The following RGPD3 variants were observed in gnomAD, a reference collection of about 807,000 sequenced individuals.
RGPD3 encodes the protein ranBP2-like and GRIP domain-containing protein 3.
Under a neutral mutation model 154.5 loss-of-function variants are expected in RGPD3, and 62 were observed. The observed-to-expected ratio is 0.40, with a 90% CI of 0.33 to 0.50. RGPD3 has a LOEUF of 0.50. Among genes scored for constraint, RGPD3 ranks in the 20% least tolerant of loss-of-function variants. The pLI is 0.59. For missense variants in RGPD3, 919 were observed against 1,716.8 expected, an observed-to-expected ratio of 0.54 and a Z score of 8.21; for synonymous variants, 308 against 607.0, an observed-to-expected ratio of 0.51 and a Z score of 7.24.
At chr2:106,466,190 G>A (rs1254940194) in intron 1 of RGPD3, among the ~76,000 whole-genome samples, 1 of 152,156 alleles carries the variant, frequency 6.6e-6, no homozygotes, top group African/African-American at 2.4e-5. Flanking sequence ...CCGGGAGAAA[G>A]AGGAAGCGCC....
intron 1 of RGPD3, among the ~76,000 whole-genome samples, chr2:106,462,460 T>G (rs866221039): frequency 4.6e-5 from 7 of 150,962 alleles, no homozygotes; most frequent in Non-Finnish European, 8.8e-5. Flanking sequence ...AATATCTGAT[T>G]CAAGCAGTAC....
intron 7 of RGPD3, among the ~76,000 whole-genome samples, chr2:106,441,788 T>C (rs1217754947): frequency 7.8e-6 from 1 of 128,492 alleles, no homozygotes; most frequent in Non-Finnish European, 1.5e-5. Flanking sequence ...AGCTTGAACC[T>C]GGGAGGCAGA....
chr2:106,467,774 G>C (rs1475543918), intron 1 of RGPD3, among the ~76,000 whole-genome samples: 2 of 143,636 alleles, frequency 1.4e-5, no homozygotes, highest in Non-Finnish European at 3.0e-5. Flanking sequence ...CATGACGCCT[G>C]AGCCATCAAG....
intron 20 of RGPD3, among the ~76,000 whole-genome samples, chr2:106,418,471 A>G (rs1392962034): frequency 1.3e-5 from 2 of 151,964 alleles, no homozygotes; most frequent in African/African-American, 4.8e-5. Context: ...TGCTGCTCAC[A>G]CCTACAGTGC....
chr2:106,466,198 G>A (rs896350198), intron 1 of RGPD3, among the ~76,000 whole-genome samples: 1 of 152,110 alleles, frequency 6.6e-6, no homozygotes, highest in African/African-American at 2.4e-5. Flanking sequence ...AAGAGGAAGC[G>A]CCGGCGCCAA....
chr2:106,417,329 T>TA lies in RGPD3; in HGVS notation c.4925-1341dup, dbSNP rs1676850734. 2.2e-5 allele frequency among the ~76,000 whole-genome samples: 3 copies of TA among 137,352 alleles called. No homozygotes were observed. In the Middle Eastern group the frequency reaches 0.011, roughly 491 times the overall value. The allele number at this position is 137,352 out of a possible 152,430, so 90.1% of individuals were successfully genotyped here. ...AACCATCCAATTAGCTCTGTCCCTC[T>TA]AGAGAACCCTAATGCAAACAGGTAG... On this transcript the variant is annotated intron_variant, in intron 20 of 22. Transcript: ENST00000409886.
chr2:106,430,409 G>C (rs1446323164), intron 17 of RGPD3, among the ~76,000 whole-genome samples: 1 of 99,480 alleles, frequency 1.0e-5, no homozygotes, highest in Non-Finnish European at 2.1e-5. Flanking sequence ...CTCCAGCCAA[G>C]ACAATTCCCT....
Position 106,441,287 on chromosome 2 carries a change from T to C in RGPD3, c.1066+6A>G, listed in dbSNP as rs1242060533. The C allele has an allele frequency of 6.9e-7, 1 of 1,452,762 alleles. No homozygotes were observed. 90.0% of individuals were successfully genotyped at this position (1,452,762 alleles called of 1,614,324 possible). A position where few individuals can be genotyped will look rare whatever the true frequency, so the allele number is the denominator to read the frequency against. On this transcript the variant is annotated splice_donor_region_variant and intron_variant, in intron 8 of 22. Coordinates refer to ENST00000409886, the MANE Select transcript of RGPD3 (RefSeq NM_001144013.2). ...TTAAATTAAATTAGTTTAATATTAC[T>C]ATTACCTGATTGGCTCAGTCGGTCA...
At chr2:106,414,721 G>A (rs955280300) in intron 21 of RGPD3, among the ~76,000 whole-genome samples, 1 of 151,046 alleles carries the variant, frequency 6.6e-6, no homozygotes, top group East Asian at 2.0e-4. Flanking sequence ...GTGGGAAAAT[G>A]TTATTTTATA....
chr2:106,466,197 C>G lies in RGPD3; in HGVS notation c.72+2020G>C, dbSNP rs543787477. On this transcript the variant is annotated intron_variant, in intron 1 of 22. Transcript: ENST00000409886. Reference sequence around the variant, plus strand: ...GGAACAAGCCGGGAGAAAGAGGAAGCGCCGGCGCCAACGGTCTCCCGCCCG... The same window carrying G: ...GGAACAAGCCGGGAGAAAGAGGAAGGGCCGGCGCCAACGGTCTCCCGCCCG... 1.2e-3 allele frequency among the ~76,000 whole-genome samples: 184 copies of G among 152,278 alleles called. 2 individuals carry two copies. The highest frequency in any genetic ancestry group is 4.4e-4 in the Non-Finnish European group (30 of 68,008).
chr2:106,443,782 G>A (rs1352568839), intron 7 of RGPD3, among the ~76,000 whole-genome samples: 6 of 109,080 alleles, frequency 5.5e-5, no homozygotes, highest in Admixed American at 3.1e-4. Flanking sequence ...TGCAACCTCC[G>A]CCTCCTGGTT....
At chr2:106,432,774 G>GC (rs1677403937) in intron 17 of RGPD3, among the ~76,000 whole-genome samples, 161 bp downstream of exon 17, 1 of 52,464 alleles carries the variant, frequency 1.9e-5, no homozygotes, top group Non-Finnish European at 3.7e-5. Context: ...ACAAGACCCT[G>GC]CCTTAAAAAA....
chr2:106,470,473 CAAT>C (rs1678786069), upstream of RGPD3, among the ~76,000 whole-genome samples: 1 of 152,134 alleles, frequency 6.6e-6, no homozygotes, highest in Non-Finnish European at 1.5e-5. Flanking sequence ...TCCCATCAGT[CAAT>C]CAACGATGGT....
intron 14 of RGPD3, 35 bp from the exon 15 acceptor site, chr2:106,434,409 T>C (rs767157327): frequency 3.7e-6 from 6 of 1,608,360 alleles, no homozygotes; most frequent in Non-Finnish European, 4.2e-6. Flanking sequence ...ATCATTAGCT[T>C]TTTAAAACAA....
chr2:106,467,019 G>A (rs1678632185), intron 1 of RGPD3, among the ~76,000 whole-genome samples: 3 of 126,448 alleles, frequency 2.4e-5, no homozygotes, highest in Non-Finnish European at 3.4e-5. Flanking sequence ...CGAGGCCGCC[G>A]CCGCCGCCTC....
At chr2:106,460,861 A>AC (rs1678384803) in intron 1 of RGPD3, among the ~76,000 whole-genome samples, 4 of 57,392 alleles carry the variant, frequency 7.0e-5, no homozygotes, top group Non-Finnish European at 9.6e-5. Flanking sequence ...AAAAAAAAAA[A>AC]AAAAAAGCTG....
intron 1 of RGPD3, among the ~76,000 whole-genome samples, chr2:106,463,726 ACAAT>A (rs1327230013): frequency 5.3e-5 from 8 of 151,760 alleles, no homozygotes; most frequent in East Asian, 1.9e-4. Context: ...TTCCAGGTAG[ACAAT>A]CAATCAATCA....
At chr2:106,420,113 A>G (rs1004262427) in intron 20 of RGPD3, among the ~76,000 whole-genome samples, 1 of 149,502 alleles carries the variant, frequency 6.7e-6, no homozygotes, top group Non-Finnish European at 1.5e-5. Flanking sequence ...TAGTATACAT[A>G]TGAAACTAAT....
intron 1 of RGPD3, among the ~76,000 whole-genome samples, chr2:106,461,974 T>G (rs1409750058): frequency 4.6e-5 from 7 of 151,882 alleles, no homozygotes; most frequent in African/African-American, 1.7e-4. Context: ...GTGCGGTGGC[T>G]CGATCTCAGC....
Sources: allele counts gnomAD v4.1 joint callset (sites outside exome capture counted in the v4.1 genomes callset), GRCh38; gene constraint gnomAD v4.1.1; transcripts MANE v1.5; gene names NCBI Gene and HGNC (gene_info 2026-07-23, HGNC 2026-07-21).